The following PRKG1 variants were observed in gnomAD, a reference collection of about 807,000 sequenced individuals.
The protein encoded by PRKG1 is protein kinase cGMP-dependent 1.
A neutral mutation model predicts 88.1 loss-of-function variants in PRKG1; 35 were observed. The observed-to-expected ratio is 0.40, with a 90% CI of 0.30 to 0.53. The LOEUF (loss-of-function observed/expected upper bound fraction) is 0.53, where lower values mean the gene tolerates loss of function less well. Ranked by LOEUF, PRKG1 falls within the 20% of genes least tolerant of loss-of-function variation. The pLI is 0.59. For synonymous variants in PRKG1, 303 were observed against 292.5 expected (o/e 1.04, Z -0.37); for missense variants, 540 against 839.8 (o/e 0.64, Z 4.41).
chr10:51,648,921 A>G (rs1306641627), intron 3 of PRKG1, among the ~76,000 whole-genome samples: 1 of 152,160 alleles, frequency 6.6e-6, no homozygotes, highest in Non-Finnish European at 1.5e-5. Flanking sequence ...TGCCCAAAGT[A>G]GGCCGGGCAT....
intron 5 of PRKG1, among the ~76,000 whole-genome samples, chr10:51,918,367 T>C (rs980459007): frequency 1.3e-5 from 2 of 151,896 alleles, no homozygotes; most frequent in Non-Finnish European, 2.9e-5. Context: ...TGAGAGTAAT[T>C]AGCTTTTTCT....
chr10:51,836,114 A>AAT (rs1338600331), intron 4 of PRKG1, among the ~76,000 whole-genome samples: 6 of 152,172 alleles, frequency 3.9e-5, no homozygotes, highest in African/African-American at 1.4e-4. Flanking sequence ...CTCACACTAC[A>AAT]ATATTTCAAA....
intron 4 of PRKG1, among the ~76,000 whole-genome samples, chr10:51,855,400 T>C (rs897416224): frequency 2.0e-5 from 3 of 152,192 alleles, no homozygotes; most frequent in Admixed American, 6.5e-5. Context: ...CATCTTAACA[T>C]TGAGTTTAAC....
chr10:51,369,059 G>A (rs960880283), intron 2 of PRKG1, among the ~76,000 whole-genome samples: 1 of 152,058 alleles, frequency 6.6e-6, no homozygotes, highest in African/African-American at 2.4e-5. Context: ...TTATATACCT[G>A]GAGATTTCGA....
intron 2 of PRKG1, among the ~76,000 whole-genome samples, chr10:51,257,095 C>A (rs1295327317): frequency 6.7e-6 from 1 of 150,028 alleles, no homozygotes; most frequent in Non-Finnish European, 1.5e-5. Context: ...TAGCTTAAAG[C>A]AAAATTCCTA....
chr10:51,375,443 T>C (rs371886147), intron 2 of PRKG1, among the ~76,000 whole-genome samples: 16 of 151,942 alleles, frequency 1.1e-4, no homozygotes, highest in African/African-American at 3.9e-4. Flanking sequence ...TTTTGGATTT[T>C]GGAATATTCA....
intron 3 of PRKG1, among the ~76,000 whole-genome samples, chr10:51,717,757 G>T (rs1381815281): frequency 6.6e-6 from 1 of 151,812 alleles, no homozygotes; most frequent in Non-Finnish European, 1.5e-5. Flanking sequence ...GCGTGAACCC[G>T]GGAGGCGGAG....
chr10:51,186,555 C>A (rs1408334539), intron 2 of PRKG1, among the ~76,000 whole-genome samples: 1 of 151,930 alleles, frequency 6.6e-6, no homozygotes, highest in Non-Finnish European at 1.5e-5. Flanking sequence ...CAGGGTGAGC[C>A]AGGAATCGGG....
intron 2 of PRKG1, among the ~76,000 whole-genome samples, chr10:51,322,858 A>G (rs1841491172): frequency 6.6e-6 from 1 of 152,192 alleles, no homozygotes; most frequent in Non-Finnish European, 1.5e-5. Context: ...TTTTCTTTAT[A>G]ATCTTCCTAA....
intron 3 of PRKG1, among the ~76,000 whole-genome samples, chr10:51,604,570 T>C (rs1838706434): frequency 6.6e-6 from 1 of 152,226 alleles, no homozygotes; most frequent in Admixed American, 6.5e-5. Context: ...GCAATGTAAA[T>C]TTTTCTTAAT....
At chr10:51,561,189 T>G (rs749137260) in intron 3 of PRKG1, among the ~76,000 whole-genome samples, 1 of 151,944 alleles carries the variant, frequency 6.6e-6, no homozygotes, top group African/African-American at 2.4e-5. Context: ...ATAGACTATA[T>G]GCCTATAGTC....
chr10:51,575,685 T>C (rs1837868697), intron 3 of PRKG1, among the ~76,000 whole-genome samples: 1 of 151,702 alleles, frequency 6.6e-6, no homozygotes, highest in South Asian at 2.1e-4. Flanking sequence ...CTGTCCCACT[T>C]TTGCTATATG....
chr10:51,751,615 T>C (rs114688058), intron 3 of PRKG1, among the ~76,000 whole-genome samples: 2,366 of 152,304 alleles, frequency 0.016, 71 homozygotes, highest in African/African-American at 0.053. Context: ...CTATACTAAT[T>C]ATTTTATTGT....
At chr10:52,067,921 G>GACTTGAAACCATATGGAATACATATA (rs1589575435) in intron 7 of PRKG1, among the ~76,000 whole-genome samples, 3 of 147,468 alleles carry the variant, frequency 2.0e-5, no homozygotes, top group Non-Finnish European at 3.1e-5. Flanking sequence ...ATCCCTACTT[G>GACTTGAAACCATATGGAATACATATA]AGGCCGGGCG....
At chr10:52,068,724 C>T (rs1434390838) in intron 7 of PRKG1, among the ~76,000 whole-genome samples, 1 of 152,174 alleles carries the variant, frequency 6.6e-6, no homozygotes, top group Non-Finnish European at 1.5e-5. Context: ...TGTTCTGCTA[C>T]CACTTGATAA....
At chr10:51,522,252 A>G (rs942288005) in intron 3 of PRKG1, among the ~76,000 whole-genome samples, 3 of 152,194 alleles carry the variant, frequency 2.0e-5, no homozygotes, top group Admixed American at 1.3e-4. Context: ...TTTGTGTTTG[A>G]CACATTTTCC....
chr10:51,255,520 T>C (rs1839534873), intron 2 of PRKG1, among the ~76,000 whole-genome samples: 3 of 152,030 alleles, frequency 2.0e-5, no homozygotes, highest in Admixed American at 2.0e-4. Flanking sequence ...GGGTGTAGTA[T>C]GAAAGTTTCC....
chr10:51,962,827 C>G (rs1843478584), intron 5 of PRKG1, among the ~76,000 whole-genome samples: 3 of 152,158 alleles, frequency 2.0e-5, no homozygotes, highest in Non-Finnish European at 4.4e-5. Flanking sequence ...CCACTTGAGC[C>G]TAGCTCTATG....
chr10:51,690,926 C>CAAAAAAAAAAA (rs942329676), intron 3 of PRKG1, among the ~76,000 whole-genome samples: 1 of 37,722 alleles, frequency 2.7e-5, no homozygotes, highest in Admixed American at 3.4e-4. Context: ...GACTCTGTCT[C>CAAAAAAAAAAA]AAAAAAAAAA....
Sources: allele counts gnomAD v4.1 joint callset (sites outside exome capture counted in the v4.1 genomes callset), GRCh38; gene constraint gnomAD v4.1.1; transcripts MANE v1.5; gene names NCBI Gene and HGNC (gene_info 2026-07-23, HGNC 2026-07-21).